SCLY: variants seen among roughly 807,000 people sequenced by gnomAD.
The protein encoded by SCLY is putative selenocysteine lyase.
A neutral mutation model predicts 50.1 loss-of-function variants in SCLY; 38 were observed. That is an observed-to-expected ratio of 0.76 (90% CI 0.59 to 0.99). SCLY has a LOEUF of 0.99. Ranked by LOEUF, SCLY falls within the 50% of genes least tolerant of loss-of-function variation. The pLI is 0.00. For synonymous variants in SCLY, 243 were observed against 249.4 expected (o/e 0.97, Z 0.24); for missense variants, 600 against 620.0 (o/e 0.97, Z 0.34).
chr2:238,093,719 C>A, intron 8 of SCLY, 142 bp from the exon 9 acceptor site: 2 of 771,666 alleles, frequency 2.6e-6, no homozygotes, highest in South Asian at 3.4e-5. Flanking sequence ...CTCCAAATGG[C>A]AGCACTCAAA....
Position 238,098,568 on chromosome 2 carries a change from T to TGCCCACATGGGACCGCCCACATAGGACC in SCLY, c.*222_*249dup, listed in dbSNP as rs1691304913. 671 of 397,340 alleles carry TGCCCACATGGGACCGCCCACATAGGACC rather than the reference T, an allele frequency of 1.7e-3. 50 individuals are homozygous for TGCCCACATGGGACCGCCCACATAGGACC. Among genetic ancestry groups the TGCCCACATGGGACCGCCCACATAGGACC allele is most frequent in the Middle Eastern group, 7.6e-3 (12 of 1,574 alleles). The allele number at this position is 397,340 out of a possible 1,614,324, so 24.6% of individuals were successfully genotyped here. A position where few individuals can be genotyped will look rare whatever the true frequency, so the allele number is the denominator to read the frequency against. ...CCAGGACACCAACGCCGCATAGGAC[T>TGCCCACATGGGACCGCCCACATAGGACC]GCCCACATGGGACCGCCCACATAGG... On this transcript the variant is annotated 3_prime_UTR_variant, in exon 12 of 12. Transcript: ENST00000254663.
chr2:238,091,374 C>A lies in SCLY; in HGVS notation c.921+120C>A, dbSNP rs2065360429. On this transcript the variant is annotated intron_variant, in intron 8 of 11. Coordinates refer to ENST00000254663, the MANE Select transcript of SCLY (RefSeq NM_016510.7). ...ATTCGTGATCTCATAAGCGGACTGA[C>A]AAGAAAAAGCCTGGAATCTGATTTA... The A allele has an allele frequency of 4.8e-6, 4 of 841,668 alleles. No homozygotes were observed. The Admixed American group carries it at 7.4e-5, about 16-fold the overall frequency. 52.1% of individuals were successfully genotyped at this position (841,668 alleles called of 1,614,324 possible). A position where few individuals can be genotyped will look rare whatever the true frequency, so the allele number is the denominator to read the frequency against.
chr2:238,087,628 G>A (rs1002853153), intron 7 of SCLY, among the ~76,000 whole-genome samples: 13 of 152,268 alleles, frequency 8.5e-5, no homozygotes, highest in African/African-American at 3.1e-4. Context: ...AGAAAATAAA[G>A]AGGAAGGACA....
At chr2:238,073,364 T>C (rs546734642) in intron 4 of SCLY, among the ~76,000 whole-genome samples, 2 of 152,232 alleles carry the variant, frequency 1.3e-5, no homozygotes, top group East Asian at 3.8e-4. Context: ...AAAAGAATTT[T>C]AGGATCAGCT....
rs751386732 is a variant in SCLY, at chr2:238,082,116, C to G, written c.684C>G (p.Ile228Met). The G allele has an allele frequency of 9.9e-6, 16 of 1,613,388 alleles. No individual in the cohort carries two copies. Among genetic ancestry groups the G allele is most frequent in the Admixed American group, 3.3e-5 (2 of 60,004 alleles). The change falls in exon 6 of 12, where the codon ATC (isoleucine) becomes ATG (methionine). Residue 228 changes from isoleucine (I) to methionine (M), a missense_variant. Ile to Met is a conservative substitution (Grantham distance 10). Transcript: ENST00000254663. Reference protein sequence around the residue: ...QERVAAGLPPILVHTDAAQAL... With the variant: ...QERVAAGLPPMLVHTDAAQAL... ...GGGTGGCAGCTGGGCTACCTCCCAT[C>G]CTCGTGCACACGGATGCTGCACAGG... is the stretch of plus-strand genomic sequence containing the variant.
At chr2:238,068,193 T>C in intron 3 of SCLY, 28 bp downstream of exon 3, 1 of 1,394,018 alleles carries the variant, frequency 7.2e-7, no homozygotes, top group East Asian at 2.3e-5. Context: ...ACTCACATTC[T>C]GTTAACTGTA....
chr2:238,097,519 C>G (rs764631204), intron 11 of SCLY, among the ~76,000 whole-genome samples: 2 of 152,014 alleles, frequency 1.3e-5, no homozygotes, highest in Non-Finnish European at 2.9e-5. Context: ...GCCAGCAGCA[C>G]GTGGCCATCA....
rs2065395483 is a variant in SCLY at position 238,093,852 on chromosome 2, TG to T, written c.922-8del. ...ATTGTGCATCCACTTGTTGTGTGTC[TG>T]CCCCCAGGCCGCGGAGCTGGTGACC... On this transcript the variant is annotated splice_region_variant and splice_polypyrimidine_tract_variant and intron_variant, in intron 8 of 11. Transcript: ENST00000254663. 1.2e-5 allele frequency: 19 copies of T among 1,612,776 alleles called. No homozygotes were observed. The highest frequency in any genetic ancestry group is 1.6e-4 in the Middle Eastern group (1 of 6,084).
At chr2:238,077,888 G>A (rs1218081548) in intron 4 of SCLY, among the ~76,000 whole-genome samples, 2 of 152,032 alleles carry the variant, frequency 1.3e-5, no homozygotes, top group African/African-American at 2.4e-5. Context: ...AGTCACCTTT[G>A]GGGAAGGTTA....
intron 4 of SCLY, among the ~76,000 whole-genome samples, chr2:238,075,841 A>G (rs1291628951): frequency 6.6e-6 from 1 of 152,012 alleles, no homozygotes; most frequent in Non-Finnish European, 1.5e-5. Context: ...TTATTTTTGT[A>G]GTCTCTATTT....
chr2:238,092,945 C>T (rs1236615165), intron 8 of SCLY: 2 of 152,858 alleles, frequency 1.3e-5, no homozygotes, highest in East Asian at 3.8e-4. Context: ...CTTGACATCT[C>T]AGCTAGGCCC....
rs781687967 is a variant in SCLY, at chr2:238,099,391, G to A, written c.*1036G>A. ...AACACTTGCCAGAAACTAAATTAAC[G>A]AATAAAAGATTTCAGTGCCCGACTT... On this transcript the variant is annotated 3_prime_UTR_variant, in exon 12 of 12. Coordinates refer to ENST00000254663, the MANE Select transcript of SCLY (RefSeq NM_016510.7). 155 of 462,526 alleles carry A rather than the reference G, an allele frequency of 3.4e-4. No individual in the cohort carries two copies. The highest frequency in any genetic ancestry group is 5.7e-4 in the Non-Finnish European group (126 of 222,644). The allele number at this position is 462,526 out of a possible 1,614,324, so 28.7% of individuals were successfully genotyped here.
intron 8 of SCLY, chr2:238,091,529 A>C (rs1430955968): frequency 9.6e-6 from 4 of 414,950 alleles, no homozygotes; most frequent in African/African-American, 2.0e-5. Context: ...GCAGAGGTGA[A>C]GTGTCAAGCT....
chr2:238,066,572 T>C lies in SCLY; in HGVS notation c.203-1493T>C, dbSNP rs552493200. Among the ~76,000 whole-genome samples, 11 of 152,334 alleles carry C rather than the reference T, an allele frequency of 7.2e-5. No individual in the cohort carries two copies. Among genetic ancestry groups the C allele is most frequent in the African/African-American group, 2.6e-4 (11 of 41,576 alleles). On this transcript the variant is annotated intron_variant, in intron 2 of 11. Transcript: ENST00000254663. This position sits in a 1 kb window ranked among gnomAD's most constrained non-coding sequence, Gnocchi z 4.1. Reference sequence around the variant, plus strand: ...GCCTGCTAGGAGAACATCACAGCAGTGGCCTTGGCTTGGTTGGTGGCTGGG... The same window carrying C: ...GCCTGCTAGGAGAACATCACAGCAGCGGCCTTGGCTTGGTTGGTGGCTGGG...
At chr2:238,097,870 C>T (rs189847318) in intron 11 of SCLY, among the ~76,000 whole-genome samples, 77 of 152,170 alleles carry the variant, frequency 5.1e-4, no homozygotes, top group South Asian at 2.3e-3. Context: ...CTGTCTGTGT[C>T]GGCATCCGTG....
At chr2:238,073,470 T>C (rs1177629982) in intron 4 of SCLY, among the ~76,000 whole-genome samples, 1 of 152,204 alleles carries the variant, frequency 6.6e-6, no homozygotes, top group Non-Finnish European at 1.5e-5. Flanking sequence ...ACAATATTGT[T>C]TTCCAATCCA....
In SCLY at chr2:238,091,233, A is replaced by G; in HGVS notation, c.900A>G (p.Pro300=). 1.2e-6 allele frequency: 2 copies of G among 1,613,680 alleles called. No individual in the cohort carries two copies. The highest frequency in any genetic ancestry group is 1.7e-6 in the Non-Finnish European group (2 of 1,179,620). Residue 300 remains proline (P), a synonymous_variant, in exon 8 of 12, where the codon CCA becomes CCG. Transcript: ENST00000254663. The stretch of plus-strand genomic sequence containing the variant: ...TTTCTTACAGGACAGAGAACACCCC[A>G]ATGATTGCTGGCCTTGGGAAGGTGA... ...RNFRPGTENT[P]MIAGLGKAAE...
chr2:238,075,734 T>C (rs992284475), intron 4 of SCLY, among the ~76,000 whole-genome samples: 3 of 152,180 alleles, frequency 2.0e-5, no homozygotes, highest in African/African-American at 7.2e-5. Flanking sequence ...TTCATGATTT[T>C]AGTAATTTTA....
intron 8 of SCLY, chr2:238,091,533 T>TACGGCGAC: frequency 1.7e-5 from 7 of 400,270 alleles, no homozygotes; most frequent in South Asian, 9.9e-5. Context: ...AGGTGAAGTG[T>TACGGCGAC]CAAGCTGCAG....
Sources: gnomAD v4.1 joint callset for allele counts (sites outside exome capture counted in the v4.1 genomes callset) on GRCh38, gnomAD v4.1.1 for gene constraint, Gnocchi (gnomAD v3.1) non-coding constraint, MANE v1.5 for transcripts, NCBI Gene and HGNC (gene_info 2026-07-23, HGNC 2026-07-21) for gene names.